The following DPY19L2 variants were observed in gnomAD, a reference collection of about 807,000 sequenced individuals.
DPY19L2 encodes probable C-mannosyltransferase DPY19L2.
Under a neutral mutation model 97.9 loss-of-function variants are expected in DPY19L2, and 34 were observed. The ratio of observed to expected loss-of-function variants is 0.35; its 90% CI spans 0.26 to 0.46. The LOEUF (loss-of-function observed/expected upper bound fraction) is 0.46. Ranked by LOEUF, DPY19L2 falls within the 20% of genes least tolerant of loss-of-function variation. The pLI is 1.00. For missense variants in DPY19L2, 623 were observed against 911.4 expected, an observed-to-expected ratio of 0.68 and a Z score of 4.07; for synonymous variants, 230 against 307.9, an observed-to-expected ratio of 0.75 and a Z score of 2.65.
chr12:63,565,752 T>C (rs1388069658), intron 21 of DPY19L2, among the ~76,000 whole-genome samples: 1 of 152,132 alleles, frequency 6.6e-6, no homozygotes, highest in African/African-American at 2.4e-5. Context: ...TTCATCTCCC[T>C]TTTCCACTTC....
At chr12:63,649,294 C>G (rs117266638) in intron 4 of DPY19L2, among the ~76,000 whole-genome samples, 4,942 of 152,020 alleles carry the variant, frequency 0.033, 116 homozygotes, top group Middle Eastern at 0.088. Flanking sequence ...CAAACCAACC[C>G]GAAATCTAGC....
At chr12:63,646,267 C>T (rs1337804395) in intron 5 of DPY19L2, among the ~76,000 whole-genome samples, 5 of 152,104 alleles carry the variant, frequency 3.3e-5, no homozygotes, top group African/African-American at 1.2e-4. Context: ...GTAACTAATA[C>T]CATACTTAGG....
chr12:63,643,566 G>A (rs1892991959), intron 6 of DPY19L2, among the ~76,000 whole-genome samples: 1 of 152,110 alleles, frequency 6.6e-6, no homozygotes, highest in Non-Finnish European at 1.5e-5. Context: ...TAACAAAAGT[G>A]GCTTACACAA....
At chr12:63,614,178 G>A (rs3884024) in intron 11 of DPY19L2, among the ~76,000 whole-genome samples, 4,745 of 127,714 alleles carry the variant, frequency 0.037, 130 homozygotes, top group South Asian at 0.075. Flanking sequence ...CAACAAGAGC[G>A]AAACTCCGTC....
chr12:63,662,758 T>C (rs1256378680), intron 3 of DPY19L2, among the ~76,000 whole-genome samples: 2 of 152,230 alleles, frequency 1.3e-5, no homozygotes, highest in Non-Finnish European at 2.9e-5. Context: ...ATATTTTATA[T>C]TCTGTCTTTG....
chr12:63,638,850 C>A (rs565874470), intron 6 of DPY19L2, among the ~76,000 whole-genome samples: 3 of 152,110 alleles, frequency 2.0e-5, no homozygotes, highest in Non-Finnish European at 4.4e-5. Flanking sequence ...TTGGAAAAAA[C>A]TACTTAAAAG....
chr12:63,620,393 T>C (rs1257691128), intron 9 of DPY19L2, among the ~76,000 whole-genome samples: 3 of 152,166 alleles, frequency 2.0e-5, no homozygotes, highest in Non-Finnish European at 4.4e-5. Flanking sequence ...GCCCTTGGCA[T>C]GCTGTGTAGC....
At chr12:63,648,280 T>C (rs922752871) in intron 4 of DPY19L2, among the ~76,000 whole-genome samples, 1 of 152,070 alleles carries the variant, frequency 6.6e-6, no homozygotes, top group African/African-American at 2.4e-5. Flanking sequence ...ATAAATTACC[T>C]AGTCTCAGAT....
At chr12:63,567,669 T>C (rs1380110638) in intron 21 of DPY19L2, among the ~76,000 whole-genome samples, 1 of 152,076 alleles carries the variant, frequency 6.6e-6, no homozygotes, top group Non-Finnish European at 1.5e-5. Context: ...CAGCAGCTGA[T>C]AGAACTTCTT....
At chr12:63,569,060 T>C (rs1425443068) in intron 21 of DPY19L2, among the ~76,000 whole-genome samples, 164 bp downstream of exon 21, 1 of 152,032 alleles carries the variant, frequency 6.6e-6, no homozygotes, top group Non-Finnish European at 1.5e-5. Context: ...TCATTGATAG[T>C]ATAGTTTTAT....
intron 6 of DPY19L2, among the ~76,000 whole-genome samples, chr12:63,637,084 T>C (rs182737997): frequency 1.8e-4 from 28 of 152,188 alleles, no homozygotes; most frequent in Non-Finnish European, 3.4e-4. Context: ...TAACAAACTG[T>C]CTCTCAGATC....
At chr12:63,608,090 A>G (rs1886360166) in intron 12 of DPY19L2, among the ~76,000 whole-genome samples, 1 of 152,210 alleles carries the variant, frequency 6.6e-6, no homozygotes, top group South Asian at 2.1e-4. Flanking sequence ...ATATTTGGGA[A>G]GAAGCCAAAC....
At chr12:63,570,636 T>G in intron 20 of DPY19L2, 122 bp downstream of exon 20, 3 of 993,660 alleles carry the variant, frequency 3.0e-6, no homozygotes, top group Non-Finnish European at 2.9e-6. Context: ...AGTATGAAAA[T>G]GAGGATGAGT....
intron 21 of DPY19L2, among the ~76,000 whole-genome samples, chr12:63,561,696 G>A (rs1876548369): frequency 6.6e-6 from 1 of 151,176 alleles, no homozygotes; most frequent in South Asian, 2.1e-4. Flanking sequence ...GAACATTTGA[G>A]ATGTTTTGAG....
intron 8 of DPY19L2, 131 bp downstream of exon 8, chr12:63,623,909 G>T: frequency 3.3e-6 from 2 of 610,866 alleles, no homozygotes; most frequent in South Asian, 3.5e-5. Context: ...TCACCATGTT[G>T]GCCAGGCTGG....
intron 6 of DPY19L2, among the ~76,000 whole-genome samples, chr12:63,641,667 G>A (rs1473273939): frequency 6.6e-6 from 1 of 151,728 alleles, no homozygotes; most frequent in African/African-American, 2.4e-5. Flanking sequence ...ATTGTATACT[G>A]GTCCACCATG....
chr12:63,650,445 A>C (rs886582177), intron 4 of DPY19L2, among the ~76,000 whole-genome samples: 2 of 152,178 alleles, frequency 1.3e-5, no homozygotes, highest in Non-Finnish European at 2.9e-5. Context: ...AAAAGCTCCT[A>C]GATATGTCTT....
chr12:63,591,222 T>C (rs1465889934), intron 16 of DPY19L2: 1 of 350,734 alleles, frequency 2.9e-6, no homozygotes, highest in South Asian at 2.2e-5. Flanking sequence ...CTGACAACCA[T>C]ACACAGCTGT....
intron 4 of DPY19L2, among the ~76,000 whole-genome samples, chr12:63,651,176 T>C (rs1239537788): frequency 4.6e-5 from 7 of 152,230 alleles, no homozygotes; most frequent in African/African-American, 1.7e-4. Flanking sequence ...ATTCAATAAA[T>C]GATGCTGGGA....
Sources: gnomAD v4.1 joint callset for allele counts (sites outside exome capture counted in the v4.1 genomes callset) on GRCh38, gnomAD v4.1.1 for gene constraint, MANE v1.5 for transcripts, NCBI Gene and HGNC (gene_info 2026-07-23, HGNC 2026-07-21) for gene names.